ABHD12: variants seen among roughly 807,000 people sequenced by gnomAD.
ABHD12 encodes abhydrolase domain containing 12, lysophospholipase.
ABHD12 carries 43 observed loss-of-function variants against 58.3 expected under a neutral mutation model. The observed-to-expected ratio is 0.74, with a 90% confidence interval of 0.58 to 0.95. The LOEUF (loss-of-function observed/expected upper bound fraction) is 0.95, where lower values mean the gene tolerates loss of function less well. Ranked by LOEUF, ABHD12 falls within the 40% of genes least tolerant of loss-of-function variation. ABHD12 has a pLI of 0.00. For synonymous variants in ABHD12, 219 were observed against 211.2 expected (o/e 1.04, Z -0.32); for missense variants, 539 against 537.2 (o/e 1.00, Z -0.03).
chr20:25,390,674 CA>C lies in ABHD12; in HGVS notation c.29del (p.Leu10TrpfsTer27). On this transcript the variant is annotated frameshift_variant, in exon 1 of 13. Transcript: ENST00000339157. LOFTEE classifies it high-confidence loss of function. MRKRTEPVA[L>X]EHERCAAAGS... is the part of the protein sequence containing the mutation. ...CCGCGGCGGCGCAGCGCTCATGCTC[CA>C]AGGCGACGGGCTCGGTCCGCTTCCT... is the stretch of plus-strand genomic sequence containing the variant. The C allele has an allele frequency of 7.0e-7, 1 of 1,431,408 alleles. No homozygotes were observed. The highest frequency in any genetic ancestry group is 9.1e-7 in the Non-Finnish European group (1 of 1,094,748). The allele number at this position is 1,431,408 out of a possible 1,614,324, so 88.7% of individuals were successfully genotyped here. A position where few individuals can be genotyped will look rare whatever the true frequency, so the allele number is the denominator to read the frequency against.
chr20:25,322,381 A>ATATTTT, intron 3 of ABHD12, among the ~76,000 whole-genome samples: 1 of 59,282 alleles, frequency 1.7e-5, no homozygotes, highest in African/African-American at 8.3e-5. Flanking sequence ...ATATATATAT[A>ATATTTT]TTTTTTTTTT....
chr20:25,316,860 G>A (rs551015640), intron 5 of ABHD12, among the ~76,000 whole-genome samples, 188 bp downstream of exon 5: 54 of 152,320 alleles, frequency 3.5e-4, no homozygotes, highest in African/African-American at 1.3e-3. Flanking sequence ...CCAGGAGGTC[G>A]ACGCTGCAGT....
intron 5 of ABHD12, among the ~76,000 whole-genome samples, chr20:25,316,241 C>T (rs1385755797): frequency 2.0e-5 from 3 of 152,152 alleles, no homozygotes; most frequent in African/African-American, 7.2e-5. Context: ...CTCACTGCAA[C>T]CTCCGCCTCC....
chr20:25,333,792 T>C (rs996443818), intron 2 of ABHD12, among the ~76,000 whole-genome samples: 5 of 151,880 alleles, frequency 3.3e-5, no homozygotes, highest in Admixed American at 1.3e-4. Context: ...AAATTCGGTA[T>C]TGATGGGACA....
chr20:25,330,913 T>A (rs2089262227), intron 2 of ABHD12, among the ~76,000 whole-genome samples: 1 of 152,158 alleles, frequency 6.6e-6, no homozygotes, highest in Non-Finnish European at 1.5e-5. Flanking sequence ...GCGCCTCTCC[T>A]CCTCCAAAGG....
intron 1 of ABHD12, among the ~76,000 whole-genome samples, chr20:25,379,620 T>C (rs2089999110): frequency 6.6e-6 from 1 of 152,194 alleles, no homozygotes; most frequent in Non-Finnish European, 1.5e-5. Flanking sequence ...CTCCCCTGGA[T>C]TATTCCCATG....
Position 25,308,318 on chromosome 20 carries a change from G to C in ABHD12, c.787+139C>G, listed in dbSNP as rs2088783924. 8 of 1,074,028 alleles carry C rather than the reference G, an allele frequency of 7.4e-6. No homozygotes were observed. The Admixed American group carries it at 1.6e-4, about 22-fold the overall frequency. 66.5% of individuals were successfully genotyped at this position (1,074,028 alleles called of 1,614,324 possible). A position where few individuals can be genotyped will look rare whatever the true frequency, so the allele number is the denominator to read the frequency against. On this transcript the variant is annotated intron_variant, in intron 8 of 12. Coordinates refer to ENST00000339157, the MANE Select transcript of ABHD12 (RefSeq NM_001042472.3). ...AGCTCCTCAGGTGTATCATGGGAAG[G>C]GTGGCTGGTCAGCCCCGGGCCCCCC...
intron 1 of ABHD12, among the ~76,000 whole-genome samples, chr20:25,359,377 T>C (rs1488563405): frequency 4.3e-5 from 6 of 140,162 alleles, no homozygotes; most frequent in East Asian, 5.0e-4. Flanking sequence ...TGAGCCGAGA[T>C]TGCGCCACTG....
At chr20:25,343,732 T>C (rs1401980464) in intron 1 of ABHD12, among the ~76,000 whole-genome samples, 3 of 152,006 alleles carry the variant, frequency 2.0e-5, no homozygotes, top group African/African-American at 7.3e-5. Flanking sequence ...GAGGCGGAGG[T>C]TGCAGTGAGC....
chr20:25,327,643 G>A (rs1173158160), intron 2 of ABHD12, among the ~76,000 whole-genome samples: 3 of 152,148 alleles, frequency 2.0e-5, no homozygotes, highest in Admixed American at 1.3e-4. Flanking sequence ...ATAGTTTAAA[G>A]CGAAGATGAT....
At chr20:25,326,995 C>T (rs1232363592) in intron 2 of ABHD12, among the ~76,000 whole-genome samples, 1 of 152,172 alleles carries the variant, frequency 6.6e-6, no homozygotes, top group Non-Finnish European at 1.5e-5. Context: ...CCATGCAAGC[C>T]GTGGATCCCC....
chr20:25,309,565 G>C lies in ABHD12; in HGVS notation c.630C>G (p.Asp210Glu). The change falls in exon 7 of 13, where the codon GAC becomes GAG. Residue 210 changes from aspartate (D) to glutamate (E), a missense_variant. Transcript: ENST00000339157. ...VVTFDYRGWG[D>E]SVGTPSERGM... Reference sequence around the variant, plus strand: ...CCCGCTCAGATGGCGTTCCCACTGAGTCACCCCAACCTGGGAGGGAGAAAC... The same window carrying C: ...CCCGCTCAGATGGCGTTCCCACTGACTCACCCCAACCTGGGAGGGAGAAAC... 6.2e-7 allele frequency: 1 copy of C among 1,614,158 alleles called. No homozygotes were observed. Among genetic ancestry groups the C allele is most frequent in the Non-Finnish European group, 8.5e-7 (1 of 1,180,004 alleles).
chr20:25,309,798 C>T (rs1568716497), intron 6 of ABHD12, among the ~76,000 whole-genome samples: 1 of 152,248 alleles, frequency 6.6e-6, no homozygotes, highest in African/African-American at 2.4e-5. Context: ...GGCAGCCCAG[C>T]AGCAACCCTG....
chr20:25,310,964 C>T (rs2088838916), intron 6 of ABHD12, among the ~76,000 whole-genome samples: 1 of 152,216 alleles, frequency 6.6e-6, no homozygotes, highest in Admixed American at 6.5e-5. Flanking sequence ...CATTCTCCCT[C>T]TCCTAAGGTC....
chr20:25,349,425 G>A (rs1213955505), intron 1 of ABHD12, among the ~76,000 whole-genome samples: 1 of 152,190 alleles, frequency 6.6e-6, no homozygotes, highest in Non-Finnish European at 1.5e-5. Context: ...GACTGAAATA[G>A]ATACTTGTAG....
intron 1 of ABHD12, among the ~76,000 whole-genome samples, chr20:25,367,244 A>C (rs2089834985): frequency 6.6e-6 from 1 of 152,214 alleles, no homozygotes; most frequent in Admixed American, 6.5e-5. Flanking sequence ...GATGACATGT[A>C]GTCATTAAAA....
chr20:25,313,305 A>G (rs2088897360), intron 6 of ABHD12, among the ~76,000 whole-genome samples: 1 of 152,302 alleles, frequency 6.6e-6, no homozygotes, highest in Non-Finnish European at 1.5e-5. Context: ...GCTCTCTGAA[A>G]CATGTGCTGT....
At chr20:25,373,255 G>A (rs1393343825) in intron 1 of ABHD12, among the ~76,000 whole-genome samples, 1 of 152,192 alleles carries the variant, frequency 6.6e-6, no homozygotes, top group Admixed American at 6.5e-5. Context: ...CGTCAAAGAT[G>A]TTGCTTCAAG....
downstream of ABHD12, chr20:25,295,821 GC>G: frequency 1.2e-6 from 1 of 858,918 alleles, no homozygotes; most frequent in Non-Finnish European, 1.9e-6. Flanking sequence ...GGCTGTGCCT[GC>G]CTTTAGGGAA....
Sources: allele counts gnomAD v4.1 joint callset (sites outside exome capture counted in the v4.1 genomes callset), GRCh38; gene constraint gnomAD v4.1.1; transcripts MANE v1.5; gene names NCBI Gene and HGNC (gene_info 2026-07-23, HGNC 2026-07-21).